Variants in ARK2C observed in about 807,000 individuals in gnomAD.
ARK2C encodes E3 ubiquitin-protein ligase ARK2C.
the ARK2C span, chr18:46,456,090 C>G: frequency 2.0e-6 from 3 of 1,533,374 alleles, no homozygotes; most frequent in South Asian, 1.1e-5. Context: ...GGTAGGAGAC[C>G]GCCATTTTGA....
chr18:46,372,543 G>T, the ARK2C span, among the ~76,000 whole-genome samples: 1 of 152,230 alleles, frequency 6.6e-6, no homozygotes, highest in Non-Finnish European at 1.5e-5. Flanking sequence ...ATTCTAGCTT[G>T]TTGGAGGCCT....
At chr18:46,356,926 G>A in the ARK2C span, among the ~76,000 whole-genome samples, 1 of 152,202 alleles carries the variant, frequency 6.6e-6, no homozygotes, top group African/African-American at 2.4e-5. Flanking sequence ...CGGCTGGAAA[G>A]GCGTGATCTG....
chr18:46,377,845 A>G, the ARK2C span, among the ~76,000 whole-genome samples: 61 of 152,310 alleles, frequency 4.0e-4, no homozygotes, highest in Non-Finnish European at 7.2e-4. Flanking sequence ...TCTATTTAGC[A>G]TGTGATGCTC....
the ARK2C span, among the ~76,000 whole-genome samples, chr18:46,408,291 G>A: frequency 1.3e-5 from 2 of 152,240 alleles, no homozygotes; most frequent in Admixed American, 1.3e-4. Flanking sequence ...GGGCTACTGA[G>A]AAGATGGGCA....
At chr18:46,365,383 C>A in the ARK2C span, among the ~76,000 whole-genome samples, 3,175 of 152,280 alleles carry the variant, frequency 0.021, 111 homozygotes, top group African/African-American at 0.072. Flanking sequence ...TCTGGAAGAG[C>A]CTTTTCTCCA....
the ARK2C span, among the ~76,000 whole-genome samples, chr18:46,359,273 G>A: frequency 6.6e-6 from 1 of 152,310 alleles, no homozygotes; most frequent in Non-Finnish European, 1.5e-5. Flanking sequence ...TCTGTCTGCT[G>A]GGAGAGAGGG....
the ARK2C span, among the ~76,000 whole-genome samples, chr18:46,439,075 G>A: frequency 2.0e-4 from 31 of 152,204 alleles, no homozygotes; most frequent in Admixed American, 7.9e-4. Context: ...CTTCCTGCCC[G>A]TAGCAGCTGG....
At chr18:46,336,571 A>G in the ARK2C span, 1 of 985,494 alleles carries the variant, frequency 1.0e-6, no homozygotes, top group East Asian at 1.1e-4. Flanking sequence ...GTCCTAAACC[A>G]CAATCTTCTT....
chr18:46,342,064 G>GT, the ARK2C span, among the ~76,000 whole-genome samples: 13 of 152,124 alleles, frequency 8.5e-5, no homozygotes, highest in African/African-American at 2.9e-4. Flanking sequence ...GCAAAGAGGG[G>GT]TTTTTTCGCA....
the ARK2C span, among the ~76,000 whole-genome samples, chr18:46,381,936 C>T: frequency 2.6e-5 from 4 of 152,148 alleles, no homozygotes; most frequent in South Asian, 2.1e-4. Context: ...CTCTCTGGCA[C>T]GGGCTTTGGC....
the ARK2C span, among the ~76,000 whole-genome samples, chr18:46,448,282 CCCTGGCCTTCTTGTGT>C: frequency 3.3e-5 from 5 of 151,984 alleles, no homozygotes; most frequent in East Asian, 7.8e-4. Context: ...CCTTCTTGTG[CCCTGGCCTTCTTGTGT>C]CCTGGCTCCC....
At chr18:46,453,666 TTTAAA>T in the ARK2C span, among the ~76,000 whole-genome samples, 1 of 151,826 alleles carries the variant, frequency 6.6e-6, no homozygotes, top group Non-Finnish European at 1.5e-5. Flanking sequence ...ACCTTAAAAA[TTTAAA>T]TTGAGAGTAT....
the ARK2C span, among the ~76,000 whole-genome samples, chr18:46,341,511 G>T: frequency 3.3e-5 from 5 of 152,172 alleles, no homozygotes; most frequent in Non-Finnish European, 7.3e-5. Flanking sequence ...ATTTTGGTGA[G>T]AATTGAGTTT....
the ARK2C span, among the ~76,000 whole-genome samples, chr18:46,399,296 G>T: frequency 6.6e-6 from 1 of 152,200 alleles, no homozygotes; most frequent in Non-Finnish European, 1.5e-5. Flanking sequence ...AAAGGACAAA[G>T]CTTGGACGTG....
chr18:46,349,633 A>T, the ARK2C span, among the ~76,000 whole-genome samples: 1 of 152,164 alleles, frequency 6.6e-6, no homozygotes, highest in East Asian at 1.9e-4. Flanking sequence ...ACAGTTCTGG[A>T]GTGGGCTCTT....
chr18:46,395,846 G>C, the ARK2C span, among the ~76,000 whole-genome samples: 49 of 152,230 alleles, frequency 3.2e-4, no homozygotes, highest in Admixed American at 2.2e-3. Context: ...AAGGAGTTGA[G>C]TAGAGAACCA....
At chr18:46,360,637 A>G in the ARK2C span, among the ~76,000 whole-genome samples, 1 of 152,274 alleles carries the variant, frequency 6.6e-6, no homozygotes, top group African/African-American at 2.4e-5. Context: ...CCCCTGCATT[A>G]GTAAATCAGT....
chr18:46,350,977 G>A, the ARK2C span, among the ~76,000 whole-genome samples: 7 of 152,208 alleles, frequency 4.6e-5, no homozygotes, highest in African/African-American at 1.7e-4. Flanking sequence ...TGTGCAGGAG[G>A]TGCAGCCATA....
the ARK2C span, chr18:46,433,470 G>A: frequency 5.6e-6 from 9 of 1,612,342 alleles, no homozygotes; most frequent in Non-Finnish European, 7.6e-6. Flanking sequence ...AGCAGCTCCT[G>A]GAAGCCCAGC....
Sources: gnomAD v4.1 joint callset for allele counts (sites outside exome capture counted in the v4.1 genomes callset) on GRCh38, gnomAD v4.1.1 for gene constraint, MANE v1.5 for transcripts, NCBI Gene and HGNC (gene_info 2026-07-23, HGNC 2026-07-21) for gene names.